Variants in CNTN5 observed in about 807,000 individuals in gnomAD.
CNTN5 encodes contactin-5.
CNTN5 carries 77 observed loss-of-function variants against 129.1 expected under a neutral mutation model. The ratio of observed to expected loss-of-function variants is 0.60; its 90% CI spans 0.50 to 0.72. The LOEUF (loss-of-function observed/expected upper bound fraction) is 0.72. Ranked by LOEUF, CNTN5 falls within the 30% of genes least tolerant of loss-of-function variation. The pLI is 0.00. For synonymous variants in CNTN5, 509 were observed against 465.6 expected (o/e 1.09, Z -1.20); for missense variants, 1,478 against 1,328.8 (o/e 1.11, Z -1.75).
chr11:99,074,235 CT>C (rs1285205491), intron 1 of CNTN5, among the ~76,000 whole-genome samples: 14 of 145,414 alleles, frequency 9.6e-5, no homozygotes, highest in Admixed American at 6.8e-4. Context: ...GTTTTTTTTT[CT>C]TTTAAATTTG....
intron 13 of CNTN5, among the ~76,000 whole-genome samples, chr11:100,135,147 T>A (rs1479590841): frequency 6.6e-6 from 1 of 151,870 alleles, no homozygotes; most frequent in East Asian, 1.9e-4. Context: ...TTTGGATATG[T>A]GTTATCTTGT....
At chr11:99,926,736 G>A (rs185534651) in intron 7 of CNTN5, among the ~76,000 whole-genome samples, 62 of 152,004 alleles carry the variant, frequency 4.1e-4, no homozygotes, top group African/African-American at 1.4e-3. Flanking sequence ...TTTCTTAGTT[G>A]TTTTATTTCA....
chr11:99,833,686 T>C (rs1947216875), intron 4 of CNTN5, among the ~76,000 whole-genome samples: 1 of 152,200 alleles, frequency 6.6e-6, no homozygotes, highest in African/African-American at 2.4e-5. Context: ...TCTGTACTAC[T>C]GCTCCTAGAA....
chr11:99,169,431 C>T (rs566083972), intron 1 of CNTN5, among the ~76,000 whole-genome samples: 2 of 125,210 alleles, frequency 1.6e-5, no homozygotes, highest in African/African-American at 5.3e-5. Flanking sequence ...GCCCATAATA[C>T]GTACATATGT....
At chr11:99,332,836 TTTACC>T (rs1866058066) in intron 2 of CNTN5, among the ~76,000 whole-genome samples, 1 of 152,088 alleles carries the variant, frequency 6.6e-6, no homozygotes, top group Non-Finnish European at 1.5e-5. Context: ...AGTGTCAGTA[TTTACC>T]TTACTAAATT....
intron 3 of CNTN5, among the ~76,000 whole-genome samples, chr11:99,736,244 T>C (rs1375531460): frequency 6.6e-6 from 1 of 152,158 alleles, no homozygotes; most frequent in Non-Finnish European, 1.5e-5. Context: ...ACAGCAAGCT[T>C]ATCTGTGGTA....
intron 3 of CNTN5, among the ~76,000 whole-genome samples, chr11:99,609,187 T>C (rs612317): frequency 0.23 from 34,614 of 152,138 alleles, 4,583 homozygotes; most frequent in Middle Eastern, 0.35. Flanking sequence ...TGCTTATTTA[T>C]ACTTATGGTT....
chr11:99,248,782 C>T (rs542267766), intron 1 of CNTN5, among the ~76,000 whole-genome samples: 14 of 152,002 alleles, frequency 9.2e-5, no homozygotes, highest in South Asian at 4.2e-4. Flanking sequence ...TGTAGATATG[C>T]GGCATTATTT....
At chr11:99,856,704 A>C (rs2135746720) in intron 6 of CNTN5, among the ~76,000 whole-genome samples, 1 of 152,282 alleles carries the variant, frequency 6.6e-6, no homozygotes, top group East Asian at 1.9e-4. Flanking sequence ...CTTTGTCTAA[A>C]TCTATTCATA....
chr11:99,844,646 AT>A, intron 4 of CNTN5: 1 of 556,536 alleles, frequency 1.8e-6, no homozygotes, highest in Non-Finnish European at 3.2e-6. Flanking sequence ...GTTTAACAGC[AT>A]TTTTAGTTGA....
Position 99,249,608 on chromosome 11 carries a change from A to T in CNTN5, c.-209-75738A>T, listed in dbSNP as rs185594326. ...ATACCGGACATATTCTAGGTTTTTA[A>T]AAAGGGTATGTTATTTGAAATCCAA... On this transcript the variant is annotated intron_variant, in intron 1 of 24. Transcript: ENST00000524871. Among the ~76,000 whole-genome samples, 30 of 152,056 alleles carry T rather than the reference A, an allele frequency of 2.0e-4. No individual in the cohort carries two copies. The East Asian group carries it at 5.6e-3, about 28-fold the overall frequency.
intron 2 of CNTN5, among the ~76,000 whole-genome samples, chr11:99,392,064 A>G (rs187619384): frequency 6.6e-6 from 1 of 151,992 alleles, no homozygotes; most frequent in East Asian, 1.9e-4. Context: ...TTCTTAGTTA[A>G]TTGTCTGTGA....
At position 99,586,213 on chromosome 11, in the gene CNTN5, G is replaced by T. The variant is rs529427390; in HGVS notation, c.55+29944G>T. 7.4e-4 allele frequency among the ~76,000 whole-genome samples: 112 copies of T among 152,128 alleles called. 1 individual carries two copies. The South Asian group carries it at 0.019, about 25-fold the overall frequency. ...TGACTGATTAACCCACTTCAATCCA[G>T]TCTTAGCTCTATTACCATCATCCCA... On this transcript the variant is annotated intron_variant, in intron 3 of 24. Coordinates refer to ENST00000524871, the MANE Select transcript of CNTN5 (RefSeq NM_014361.4).
intron 1 of CNTN5, among the ~76,000 whole-genome samples, chr11:99,163,539 T>C (rs1270162345): frequency 6.6e-6 from 1 of 152,150 alleles, no homozygotes; most frequent in Non-Finnish European, 1.5e-5. Flanking sequence ...AGATTCTCCA[T>C]TTTAACAAAT....
At chr11:100,294,770 C>A (rs190265631) in intron 18 of CNTN5, among the ~76,000 whole-genome samples, 1 of 151,602 alleles carries the variant, frequency 6.6e-6, no homozygotes, top group African/African-American at 2.4e-5. Flanking sequence ...ACACCATAAG[C>A]GCTCCGAAAG....
In CNTN5 at chr11:100,038,283, T is replaced by G. The variant is rs1296593545; in HGVS notation, c.981-22929T>G. Among the ~76,000 whole-genome samples the G allele has an allele frequency of 2.0e-5, 3 of 152,244 alleles. No individual in the cohort carries two copies. The East Asian group carries it at 5.8e-4, about 29-fold the overall frequency. On this transcript the variant is annotated intron_variant, in intron 9 of 24. Coordinates refer to ENST00000524871, the MANE Select transcript of CNTN5 (RefSeq NM_014361.4). ...TTCCATGTAGTTGAGCGGTTTTGAG[T>G]GAGTTTCTTAATCCTGAGTTCTAGT...
chr11:99,372,364 T>C (rs1939877402), intron 2 of CNTN5, among the ~76,000 whole-genome samples: 1 of 152,176 alleles, frequency 6.6e-6, no homozygotes, highest in Non-Finnish European at 1.5e-5. Context: ...TAAGCTGTAG[T>C]GCAAAGAAAA....
At chr11:99,753,326 G>A (rs976737635) in intron 3 of CNTN5, among the ~76,000 whole-genome samples, 3 of 151,362 alleles carry the variant, frequency 2.0e-5, no homozygotes, top group African/African-American at 7.3e-5. Flanking sequence ...GTTTCACCGT[G>A]TTAGCCAGGA....
intron 9 of CNTN5, among the ~76,000 whole-genome samples, chr11:100,033,553 T>C (rs866017354): frequency 7.9e-5 from 12 of 152,282 alleles, no homozygotes; most frequent in Middle Eastern, 6.8e-3. Flanking sequence ...CTTCATGAAC[T>C]ACAGTACATG....
Sources: allele counts gnomAD v4.1 joint callset (sites outside exome capture counted in the v4.1 genomes callset), GRCh38; gene constraint gnomAD v4.1.1; transcripts MANE v1.5; gene names NCBI Gene and HGNC (gene_info 2026-07-23, HGNC 2026-07-21).